The following ZNF385D variants were observed in gnomAD, a reference collection of about 807,000 sequenced individuals.
ZNF385D encodes the protein zinc finger protein 659.
A neutral mutation model predicts 35.8 loss-of-function variants in ZNF385D; 15 were observed. The observed-to-expected ratio is 0.42, with a 90% CI of 0.28 to 0.64. ZNF385D has a LOEUF of 0.64. Among genes scored for constraint, ZNF385D ranks in the 30% least tolerant of loss-of-function variants. The pLI, the probability that ZNF385D is intolerant of heterozygous loss-of-function variation, is 0.23. For missense variants in ZNF385D, 474 were observed against 494.6 expected (o/e 0.96, Z 0.39); for synonymous variants, 212 against 186.8 (o/e 1.13, Z -1.10).
intron 3 of ZNF385D, among the ~76,000 whole-genome samples, chr3:21,776,608 C>T (rs1455675359): frequency 6.6e-6 from 1 of 151,740 alleles, no homozygotes; most frequent in African/African-American, 2.4e-5. Context: ...ATCATGTTTA[C>T]CTTACCTAAG....
At chr3:21,493,679 G>T (rs1705602297) in intron 4 of ZNF385D, among the ~76,000 whole-genome samples, 1 of 151,670 alleles carries the variant, frequency 6.6e-6, no homozygotes, top group South Asian at 2.1e-4. Context: ...GGCCAGAGTG[G>T]TCTTGAACTC....
chr3:22,299,254 T>C (rs1702767583), intron 2 of ZNF385D, among the ~76,000 whole-genome samples: 1 of 151,900 alleles, frequency 6.6e-6, no homozygotes, highest in African/African-American at 2.4e-5. Context: ...ATTATAGCTA[T>C]TGTAATATAG....
chr3:22,144,714 T>A (rs921248241), intron 3 of ZNF385D, among the ~76,000 whole-genome samples: 1 of 152,114 alleles, frequency 6.6e-6, no homozygotes, highest in African/African-American at 2.4e-5. Flanking sequence ...AAATTTTTAT[T>A]TATTATTATG....
intron 2 of ZNF385D, among the ~76,000 whole-genome samples, chr3:22,371,915 G>T (rs1223732424): frequency 2.0e-5 from 3 of 151,996 alleles, no homozygotes; most frequent in African/African-American, 7.3e-5. Context: ...GTTTTTTTAA[G>T]TATTTGTTTT....
At chr3:21,855,675 C>T (rs1264093891) in intron 3 of ZNF385D, among the ~76,000 whole-genome samples, 2 of 151,910 alleles carry the variant, frequency 1.3e-5, no homozygotes, top group African/African-American at 4.8e-5. Flanking sequence ...TTAGTCTACC[C>T]CCAAAATGTT....
chr3:22,201,114 T>C (rs1328863821), intron 2 of ZNF385D, among the ~76,000 whole-genome samples: 1 of 152,092 alleles, frequency 6.6e-6, no homozygotes, highest in Non-Finnish European at 1.5e-5. Flanking sequence ...GGGGAAGTGA[T>C]AAGTGTCCAT....
intron 3 of ZNF385D, among the ~76,000 whole-genome samples, chr3:21,990,100 G>C (rs375226167): frequency 7.2e-5 from 11 of 152,272 alleles, no homozygotes; most frequent in African/African-American, 2.6e-4. Context: ...CAGGGCCTTT[G>C]TCAAATTATC....
chr3:22,364,811 G>A (rs960726873), intron 2 of ZNF385D, among the ~76,000 whole-genome samples: 2 of 152,030 alleles, frequency 1.3e-5, no homozygotes, highest in Admixed American at 6.6e-5. Context: ...ACATTAAACC[G>A]AAGCAGCCTT....
At chr3:22,252,466 T>C (rs1259064178) in intron 2 of ZNF385D, among the ~76,000 whole-genome samples, 1 of 152,092 alleles carries the variant, frequency 6.6e-6, no homozygotes, top group Admixed American at 6.6e-5. Flanking sequence ...TAGATTGTTA[T>C]ATTATTTAAT....
intron 3 of ZNF385D, among the ~76,000 whole-genome samples, chr3:21,930,896 G>GGGTTA (rs1700973010): frequency 6.6e-6 from 1 of 151,958 alleles, no homozygotes; most frequent in African/African-American, 2.4e-5. Flanking sequence ...TCAAGACCTT[G>GGGTTA]GGTTACACAA....
chr3:21,625,734 T>C (rs2065118292), intron 2 of ZNF385D, among the ~76,000 whole-genome samples: 1 of 152,096 alleles, frequency 6.6e-6, no homozygotes, highest in Admixed American at 6.6e-5. Context: ...TAAATGTGAC[T>C]ATTCAAATTG....
At chr3:22,355,908 T>G (rs910840802) in intron 2 of ZNF385D, among the ~76,000 whole-genome samples, 21 of 151,954 alleles carry the variant, frequency 1.4e-4, no homozygotes, top group African/African-American at 4.8e-4. Context: ...CTACAACACA[T>G]GAAAAGCTGT....
chr3:21,939,294 G>A (rs74583279), intron 3 of ZNF385D, among the ~76,000 whole-genome samples: 1 of 152,124 alleles, frequency 6.6e-6, no homozygotes, highest in East Asian at 1.9e-4. Context: ...ATTTAGTCAG[G>A]ATAACAACAC....
chr3:22,085,461 A>G (rs992662358), intron 3 of ZNF385D, among the ~76,000 whole-genome samples: 6 of 152,218 alleles, frequency 3.9e-5, no homozygotes, highest in Non-Finnish European at 8.8e-5. Flanking sequence ...CATGCAAATA[A>G]ACTAGAAAAT....
intron 3 of ZNF385D, among the ~76,000 whole-genome samples, chr3:22,018,044 C>G (rs1262672692): frequency 2.0e-5 from 3 of 151,614 alleles, no homozygotes; most frequent in Non-Finnish European, 4.4e-5. Flanking sequence ...CTATTTTTTT[C>G]CCAATAGCAC....
At chr3:21,932,668 T>G (rs868636812) in intron 3 of ZNF385D, among the ~76,000 whole-genome samples, 9 of 151,956 alleles carry the variant, frequency 5.9e-5, no homozygotes, top group Non-Finnish European at 1.0e-4. Flanking sequence ...AAACCCCACA[T>G]GCTGGAATAG....
chr3:22,121,755 C>T (rs1481373825), intron 3 of ZNF385D, among the ~76,000 whole-genome samples: 1 of 149,572 alleles, frequency 6.7e-6, no homozygotes, highest in Non-Finnish European at 1.5e-5. Flanking sequence ...TAAAAGTTTT[C>T]TTTCCCTTTC....
At chr3:21,966,312 G>C (rs1172032389) in intron 3 of ZNF385D, among the ~76,000 whole-genome samples, 1 of 152,142 alleles carries the variant, frequency 6.6e-6, no homozygotes, top group Non-Finnish European at 1.5e-5. Context: ...TGAACTGGTA[G>C]TAAATTTTAA....
At position 21,437,220 on chromosome 3, in the gene ZNF385D, AC is replaced by A; in HGVS notation, c.440-18del. 6.3e-7 allele frequency: 1 copy of A among 1,599,000 alleles called. No homozygotes were observed. Among genetic ancestry groups the A allele is most frequent in the Non-Finnish European group, 8.5e-7 (1 of 1,171,392 alleles). ...CAGTACCGTCTGTATTCAAAATAAC[AC>A]AGAAAAAAGGGGGAAAAACAATGGT... On this transcript the variant is annotated intron_variant, in intron 4 of 7. Transcript: ENST00000281523.
Sources: allele counts gnomAD v4.1 joint callset (sites outside exome capture counted in the v4.1 genomes callset), GRCh38; gene constraint gnomAD v4.1.1; transcripts MANE v1.5; gene names NCBI Gene and HGNC (gene_info 2026-07-23, HGNC 2026-07-21).